CSMD1: variants seen among roughly 807,000 people sequenced by gnomAD.
CSMD1 encodes the protein CUB and Sushi multiple domains 1.
A neutral mutation model predicts 417.5 loss-of-function variants in CSMD1; 213 were observed. The observed-to-expected ratio is 0.51, with a 90% confidence interval of 0.46 to 0.57. The LOEUF (loss-of-function observed/expected upper bound fraction) is 0.57, where lower values mean the gene tolerates loss of function less well. Among genes scored for constraint, CSMD1 ranks in the 20% least tolerant of loss-of-function variants. The pLI is 0.00. For synonymous variants in CSMD1, 2,862 were observed against 1,736.8 expected, an observed-to-expected ratio of 1.65 and a Z score of -16.11; for missense variants, 6,923 against 4,529.7, an observed-to-expected ratio of 1.53 and a Z score of -15.17.
chr8:4,418,491 T>A (rs1563153121), intron 3 of CSMD1, among the ~76,000 whole-genome samples: 3 of 152,142 alleles, frequency 2.0e-5, no homozygotes, highest in Admixed American at 1.3e-4. Flanking sequence ...CAAGACCACC[T>A]TTTCAGCTAT....
chr8:3,787,813 G>C (rs1204488588), intron 5 of CSMD1, among the ~76,000 whole-genome samples: 4 of 152,160 alleles, frequency 2.6e-5, no homozygotes, highest in South Asian at 2.1e-4. Flanking sequence ...AAATGTGCTG[G>C]AATAAGAAAT....
At chr8:4,771,878 G>A (rs1479983615) in intron 1 of CSMD1, among the ~76,000 whole-genome samples, 3 of 152,130 alleles carry the variant, frequency 2.0e-5, no homozygotes, top group African/African-American at 7.2e-5. Context: ...GCTCAAAGCG[G>A]TGGGCATGAA....
At chr8:4,088,116 G>A (rs779540286) in intron 3 of CSMD1, among the ~76,000 whole-genome samples, 14 of 152,216 alleles carry the variant, frequency 9.2e-5, no homozygotes, top group Non-Finnish European at 1.6e-4. Flanking sequence ...AAGGATAGCT[G>A]CAGTGGGGCT....
In CSMD1 at chr8:3,542,408, C is replaced by G. The variant is rs1055501087; in HGVS notation, c.1344+32537G>C. ...AATATATTTTAGCACCTACCCTGTT[C>G]CAGATACCGTTCTACGATTGGATGT... is the stretch of plus-strand genomic sequence containing the variant. On this transcript the variant is annotated intron_variant, in intron 10 of 69. Coordinates refer to ENST00000635120, the MANE Select transcript of CSMD1 (RefSeq NM_033225.6). Among the ~76,000 whole-genome samples the G allele has an allele frequency of 6.6e-5, 10 of 152,280 alleles. No homozygotes were observed. In the East Asian group the frequency reaches 1.7e-3, roughly 26 times the overall value.
At position 3,989,446 on chromosome 8, in the gene CSMD1, T is replaced by C. The variant is rs149004482; in HGVS notation, c.818+8457A>G. ...GCTAGGTAAGAGCGGCTTCTTAGCA[T>C]GCTGGAACGAGTTGTGGTAACACAG... On this transcript the variant is annotated intron_variant, in intron 5 of 69. Transcript: ENST00000635120. Among the ~76,000 whole-genome samples the C allele has an allele frequency of 6.6e-3, 1,007 of 152,314 alleles. 7 individuals are homozygous for C. The highest frequency in any genetic ancestry group is 0.01 in the Non-Finnish European group (689 of 68,030).
intron 3 of CSMD1, among the ~76,000 whole-genome samples, chr8:4,238,926 C>T (rs1255079128): frequency 1.3e-5 from 2 of 152,190 alleles, no homozygotes; most frequent in African/African-American, 4.8e-5. Flanking sequence ...AATAGTTCTA[C>T]ATATGATTTT....
intron 5 of CSMD1, among the ~76,000 whole-genome samples, chr8:3,863,302 C>G (rs1226148306): frequency 6.7e-6 from 1 of 149,384 alleles, no homozygotes; most frequent in Non-Finnish European, 1.5e-5. Context: ...GAGGCTGAGG[C>G]AGGAGAATCG....
chr8:3,060,938 T>C (rs1812552376), intron 49 of CSMD1, among the ~76,000 whole-genome samples: 1 of 152,192 alleles, frequency 6.6e-6, no homozygotes, highest in African/African-American at 2.4e-5. Flanking sequence ...GAAGTGTCTG[T>C]CAATTTCAGC....
At chr8:4,990,770 G>C (rs187919320) in intron 1 of CSMD1, among the ~76,000 whole-genome samples, 242 of 152,184 alleles carry the variant, frequency 1.6e-3, no homozygotes, top group African/African-American at 5.7e-3. Context: ...CTGCCATAAA[G>C]GAGTCTGACC....
intron 63 of CSMD1, among the ~76,000 whole-genome samples, chr8:2,957,273 T>G (rs891551073): frequency 1.3e-5 from 2 of 152,194 alleles, no homozygotes; most frequent in Admixed American, 6.5e-5. Flanking sequence ...CATCCTCTCT[T>G]TGGTAATTTG....
intron 5 of CSMD1, among the ~76,000 whole-genome samples, chr8:3,991,913 C>G (rs565971264): frequency 2.0e-5 from 3 of 152,102 alleles, no homozygotes; most frequent in Non-Finnish European, 4.4e-5. Flanking sequence ...GTAGCAGTAG[C>G]AACTATTGTT....
At chr8:4,709,175 T>G (rs1015840604) in intron 1 of CSMD1, among the ~76,000 whole-genome samples, 2 of 152,186 alleles carry the variant, frequency 1.3e-5, no homozygotes, top group African/African-American at 2.4e-5. Flanking sequence ...GTTTGATGCA[T>G]AGCTCAGCTC....
intron 1 of CSMD1, among the ~76,000 whole-genome samples, chr8:4,904,026 C>CT (rs1278222729): frequency 2.0e-5 from 3 of 152,066 alleles, no homozygotes; most frequent in Non-Finnish European, 4.4e-5. Context: ...TATTTTAATA[C>CT]TTTTTTTGGA....
chr8:4,229,837 G>A (rs942257669), intron 3 of CSMD1, among the ~76,000 whole-genome samples: 3 of 152,106 alleles, frequency 2.0e-5, no homozygotes, highest in South Asian at 2.1e-4. Flanking sequence ...CAAGAGGGCC[G>A]GGATTTTATC....
At chr8:3,227,779 T>G (rs1798601681) in intron 27 of CSMD1, among the ~76,000 whole-genome samples, 2 of 151,974 alleles carry the variant, frequency 1.3e-5, no homozygotes, top group South Asian at 2.1e-4. Flanking sequence ...TTCTTTTTTT[T>G]TTTTTTGAGA....
intron 8 of CSMD1, among the ~76,000 whole-genome samples, chr8:3,613,655 A>G (rs1035060486): frequency 6.6e-6 from 1 of 151,908 alleles, no homozygotes; most frequent in African/African-American, 2.4e-5. Context: ...GGTCATGTCA[A>G]TAGATGTAGA....
In CSMD1 at chr8:3,367,018, C is replaced by A. The variant is rs751192383; in HGVS notation, c.3115+14G>T. 9.4e-6 allele frequency: 15 copies of A among 1,602,622 alleles called. No homozygotes were observed. Among genetic ancestry groups the A allele is most frequent in the Non-Finnish European group, 1.3e-5 (15 of 1,170,850 alleles). ...GTTGCCAGAGGAGAGAAACAGCAAACAAGACCAACATACCTGAAAATGTGA... is the reference window on the plus strand; with the variant it reads ...GTTGCCAGAGGAGAGAAACAGCAAAAAAGACCAACATACCTGAAAATGTGA... On this transcript the variant is annotated intron_variant, in intron 20 of 69. Transcript: ENST00000635120.
chr8:2,977,926 C>G (rs1805072983), intron 55 of CSMD1, among the ~76,000 whole-genome samples: 1 of 152,182 alleles, frequency 6.6e-6, no homozygotes, highest in South Asian at 2.1e-4. Context: ...CAAGAAACAA[C>G]AGATGCTGGC....
intron 7 of CSMD1, among the ~76,000 whole-genome samples, chr8:3,701,292 T>G (rs1436139821): frequency 6.6e-6 from 1 of 152,094 alleles, no homozygotes; most frequent in African/African-American, 2.4e-5. Context: ...TGAATATGAG[T>G]GAGCTGGTTT....
Sources: allele counts gnomAD v4.1 joint callset (sites outside exome capture counted in the v4.1 genomes callset), GRCh38; gene constraint gnomAD v4.1.1; transcripts MANE v1.5; gene names NCBI Gene and HGNC (gene_info 2026-07-23, HGNC 2026-07-21).